CSTPP1: variants seen among roughly 807,000 people sequenced by gnomAD.
The protein encoded by CSTPP1 is UPF0705 protein C11orf49.
At chr11:46,987,280 A>G in the CSTPP1 span, 1 of 1,614,182 alleles carries the variant, frequency 6.2e-7, no homozygotes, top group Non-Finnish European at 8.5e-7. Context: ...GATATTAGCC[A>G]ATATGGAATT....
At chr11:46,987,289 T>C in the CSTPP1 span, 21 of 1,614,014 alleles carry the variant, frequency 1.3e-5, 1 homozygote, top group East Asian at 3.6e-4. Context: ...CAATATGGAA[T>C]TGCCAGGTTC....
At chr11:47,157,441 T>C in the CSTPP1 span, among the ~76,000 whole-genome samples, 5 of 152,202 alleles carry the variant, frequency 3.3e-5, no homozygotes, top group Admixed American at 6.5e-5. Flanking sequence ...ACCACTGTAG[T>C]TGACCAATTT....
chr11:47,020,352 G>A, the CSTPP1 span, among the ~76,000 whole-genome samples: 2 of 152,178 alleles, frequency 1.3e-5, no homozygotes, highest in African/African-American at 4.8e-5. Context: ...TAAGCTTAGT[G>A]ATGTAATTAA....
At chr11:47,093,813 C>T in the CSTPP1 span, among the ~76,000 whole-genome samples, 4 of 152,152 alleles carry the variant, frequency 2.6e-5, no homozygotes, top group Admixed American at 2.6e-4. Flanking sequence ...GTGCCTGGCA[C>T]TTAATAGCTT....
chr11:46,999,419 C>G, the CSTPP1 span, among the ~76,000 whole-genome samples: 3 of 152,126 alleles, frequency 2.0e-5, no homozygotes, highest in Non-Finnish European at 4.4e-5. Flanking sequence ...ACTCAGGAAT[C>G]AAGCCTCATC....
chr11:47,119,132 G>A, the CSTPP1 span, among the ~76,000 whole-genome samples: 2 of 152,346 alleles, frequency 1.3e-5, no homozygotes, highest in African/African-American at 4.8e-5. Context: ...CTTCCCAGCC[G>A]CTCTGTTTAC....
At chr11:47,062,032 C>T in the CSTPP1 span, among the ~76,000 whole-genome samples, 1 of 152,040 alleles carries the variant, frequency 6.6e-6, no homozygotes, top group African/African-American at 2.4e-5. Flanking sequence ...TACATAATAC[C>T]TGTAGGTTTT....
At chr11:47,133,599 T>A in the CSTPP1 span, among the ~76,000 whole-genome samples, 1 of 152,228 alleles carries the variant, frequency 6.6e-6, no homozygotes, top group African/African-American at 2.4e-5. Context: ...TTGACAGTAA[T>A]TAGAACTTTT....
chr11:47,002,134 C>G, the CSTPP1 span, among the ~76,000 whole-genome samples: 1 of 143,170 alleles, frequency 7.0e-6, no homozygotes, highest in African/African-American at 2.5e-5. Flanking sequence ...AACATTGTAA[C>G]AGAAAATTAC....
chr11:46,988,064 A>C, the CSTPP1 span, among the ~76,000 whole-genome samples: 1 of 152,230 alleles, frequency 6.6e-6, no homozygotes, highest in Non-Finnish European at 1.5e-5. Context: ...AGGCAATAAC[A>C]AATGCTGGCG....
chr11:46,958,927 G>A, the CSTPP1 span, among the ~76,000 whole-genome samples: 1 of 152,136 alleles, frequency 6.6e-6, no homozygotes, highest in East Asian at 1.9e-4. Context: ...CACCCACATT[G>A]GTGAAGGTGA....
chr11:47,060,747 A>G, the CSTPP1 span, among the ~76,000 whole-genome samples: 1 of 152,290 alleles, frequency 6.6e-6, no homozygotes, highest in South Asian at 2.1e-4. Context: ...TCGCCACTAA[A>G]GAACCTACTC....
chr11:47,038,100 G>T, the CSTPP1 span, among the ~76,000 whole-genome samples: 1 of 74,600 alleles, frequency 1.3e-5, no homozygotes, highest in African/African-American at 3.4e-5. Context: ...GCCGGGCGGG[G>T]GGCTGACCCC....
chr11:47,070,267 G>GGAGA, the CSTPP1 span, among the ~76,000 whole-genome samples: 12 of 146,852 alleles, frequency 8.2e-5, no homozygotes, highest in Middle Eastern at 7.1e-3. Context: ...GGAGAGAGGG[G>GGAGA]GAGAGAGAGA....
At chr11:47,145,095 C>T in the CSTPP1 span, among the ~76,000 whole-genome samples, 1 of 143,266 alleles carries the variant, frequency 7.0e-6, no homozygotes, top group East Asian at 2.1e-4. Flanking sequence ...TCAAGCGATT[C>T]TCTCGCCTCA....
chr11:47,041,720 CT>C, the CSTPP1 span: 1 of 526,720 alleles, frequency 1.9e-6, no homozygotes. Flanking sequence ...TTGTCAGAGC[CT>C]TTGACCTTGG....
chr11:47,054,557 C>T, the CSTPP1 span, among the ~76,000 whole-genome samples: 2 of 151,744 alleles, frequency 1.3e-5, no homozygotes, highest in African/African-American at 4.8e-5. Context: ...AAGGCCTCAG[C>T]CTCCCAAAGC....
the CSTPP1 span, among the ~76,000 whole-genome samples, chr11:46,993,622 T>C: frequency 8.9e-3 from 1,350 of 152,238 alleles, 19 homozygotes; most frequent in African/African-American, 0.029. Flanking sequence ...CTCTGTTCTG[T>C]TCCATTGGTC....
chr11:47,106,735 A>C, the CSTPP1 span, among the ~76,000 whole-genome samples: 1 of 152,198 alleles, frequency 6.6e-6, no homozygotes. Flanking sequence ...ATGCCCAGGA[A>C]TGTTTCCACA....
Sources: gnomAD v4.1 joint callset for allele counts (sites outside exome capture counted in the v4.1 genomes callset) on GRCh38, gnomAD v4.1.1 for gene constraint, MANE v1.5 for transcripts, NCBI Gene and HGNC (gene_info 2026-07-23, HGNC 2026-07-21) for gene names.